Variants in ZEB1 observed in about 807,000 individuals in gnomAD.
The protein encoded by ZEB1 is zinc finger E-box-binding homeobox 1.
Under a neutral mutation model 84.9 loss-of-function variants are expected in ZEB1, and 21 were observed. That is an observed-to-expected ratio of 0.25 (90% CI 0.18 to 0.36). The LOEUF is 0.36. Among genes scored for constraint, ZEB1 ranks in the 10% least tolerant of loss-of-function variants. The pLI, the probability that ZEB1 is intolerant of heterozygous loss-of-function variation, is 1.00. For missense variants in ZEB1, 1,104 were observed against 1,330.2 expected, an observed-to-expected ratio of 0.83 and a Z score of 2.65; for synonymous variants, 420 against 471.1, an observed-to-expected ratio of 0.89 and a Z score of 1.41.
intron 1 of ZEB1, among the ~76,000 whole-genome samples, chr10:31,425,009 T>TG (rs1423691126): frequency 6.6e-6 from 1 of 151,838 alleles, no homozygotes; most frequent in African/African-American, 2.4e-5. Context: ...TTTTTTTAAA[T>TG]GGGAAAAAAA....
At chr10:31,361,809 G>T (rs2043158498) in intron 1 of ZEB1, among the ~76,000 whole-genome samples, 1 of 151,486 alleles carries the variant, frequency 6.6e-6, no homozygotes, top group Non-Finnish European at 1.5e-5. Flanking sequence ...ACGGCAGCAG[G>T]GCAGAGGCGC....
At chr10:31,481,381 G>A (rs1307483474) in intron 2 of ZEB1, among the ~76,000 whole-genome samples, 1 of 152,022 alleles carries the variant, frequency 6.6e-6, no homozygotes, top group African/African-American at 2.4e-5. Flanking sequence ...ATAATACCCA[G>A]ATCTAGGATT....
chr10:31,471,582 A>G lies in ZEB1; in HGVS notation c.259+10345A>G, dbSNP rs865780291. 3.6e-4 allele frequency among the ~76,000 whole-genome samples: 52 copies of G among 142,526 alleles called. 1 individual carries two copies. In the South Asian group the frequency reaches 0.012, roughly 33 times the overall value. 93.5% of individuals were successfully genotyped at this position (142,526 alleles called of 152,430 possible). On this transcript the variant is annotated intron_variant, in intron 2 of 8. Transcript: ENST00000424869. ...AAAGCAAGTCCTGAGTGACCTACAA[A>G]GAGACTTAGACTCCCACACATTAAT...
rs768562895 is a variant in ZEB1, at chr10:31,319,306, G to A, written c.58+14G>A. 1 of 1,605,062 alleles carries A rather than the reference G, an allele frequency of 6.2e-7. No homozygotes were observed. Among genetic ancestry groups the A allele is most frequent in the South Asian group, 1.1e-5 (1 of 89,272 alleles). On this transcript the variant is annotated intron_variant, in intron 1 of 8. Transcript: ENST00000424869. The stretch of plus-strand genomic sequence containing the variant: ...GGCGCAATAACGGTGAGTGGCGGAG[G>A]GGACCGGGGAGCGGCGGAGTCAGGG...
At chr10:31,358,702 A>G (rs1256010001) in intron 1 of ZEB1, 2 of 152,196 alleles carry the variant, frequency 1.3e-5, no homozygotes, top group Non-Finnish European at 2.9e-5. Flanking sequence ...CTTATTTTTA[A>G]AGTTTAAAAA....
chr10:31,344,088 CAT>C (rs1481148664), intron 1 of ZEB1, among the ~76,000 whole-genome samples: 1 of 152,032 alleles, frequency 6.6e-6, no homozygotes, highest in Non-Finnish European at 1.5e-5. Context: ...CTGGTGATAT[CAT>C]ACATAAATGC....
intron 5 of ZEB1, among the ~76,000 whole-genome samples, chr10:31,511,737 C>T (rs2070070508): frequency 6.6e-6 from 1 of 151,982 alleles, no homozygotes; most frequent in African/African-American, 2.4e-5. Flanking sequence ...TGAACTCTGC[C>T]CTATGGATGT....
At chr10:31,349,236 G>C (rs2040872376) in intron 1 of ZEB1, among the ~76,000 whole-genome samples, 1 of 152,034 alleles carries the variant, frequency 6.6e-6, no homozygotes, top group African/African-American at 2.4e-5. Context: ...CCGTGTCGTT[G>C]CAACTGACAG....
chr10:31,460,972 T>A (rs1018243640), intron 1 of ZEB1, 65 bp from the exon 2 acceptor site: 2 of 1,280,302 alleles, frequency 1.6e-6, no homozygotes, highest in Non-Finnish European at 2.2e-6. Flanking sequence ...TTTATTTTTC[T>A]GAGATGTAAA....
intron 2 of ZEB1, among the ~76,000 whole-genome samples, chr10:31,476,244 T>TCAAG (rs1423091420): frequency 2.6e-5 from 4 of 151,584 alleles, no homozygotes; most frequent in African/African-American, 9.7e-5. Flanking sequence ...GAGAGAAAAT[T>TCAAG]CAAGTAAGCA....
At chr10:31,449,579 A>AT in intron 1 of ZEB1, among the ~76,000 whole-genome samples, 2 of 151,822 alleles carry the variant, frequency 1.3e-5, no homozygotes, top group East Asian at 3.9e-4. Flanking sequence ...TAAATAATGC[A>AT]TTTTCCCCCC....
intron 2 of ZEB1, among the ~76,000 whole-genome samples, chr10:31,488,795 T>A (rs1474250528): frequency 6.6e-6 from 1 of 151,246 alleles, no homozygotes; most frequent in Non-Finnish European, 1.5e-5. Context: ...GATTTTCTTA[T>A]CTTTTTCCTA....
chr10:31,455,350 G>A (rs536779976), intron 1 of ZEB1, among the ~76,000 whole-genome samples: 1 of 152,226 alleles, frequency 6.6e-6, no homozygotes, highest in East Asian at 1.9e-4. Flanking sequence ...TCATAGGCAT[G>A]GGCAAAGACT....
At chr10:31,491,215 C>T (rs1040490537) in intron 2 of ZEB1, among the ~76,000 whole-genome samples, 12 of 151,698 alleles carry the variant, frequency 7.9e-5, no homozygotes, top group Non-Finnish European at 4.4e-5. Context: ...CCTACTTTGC[C>T]ACATGCTTCC....
chr10:31,380,324 G>C (rs2047400820), intron 1 of ZEB1, among the ~76,000 whole-genome samples: 1 of 152,160 alleles, frequency 6.6e-6, no homozygotes, highest in African/African-American at 2.4e-5. Context: ...AAGTTGGCTT[G>C]AAAGACTTAA....
At chr10:31,345,307 G>A (rs1316424783) in intron 1 of ZEB1, among the ~76,000 whole-genome samples, 4 of 152,004 alleles carry the variant, frequency 2.6e-5, no homozygotes, top group Non-Finnish European at 4.4e-5. Flanking sequence ...CAGGGGCGGG[G>A]GTTGTATTAT....
At chr10:31,462,620 C>G (rs1037219755) in intron 2 of ZEB1, among the ~76,000 whole-genome samples, 7 of 151,978 alleles carry the variant, frequency 4.6e-5, no homozygotes, top group African/African-American at 1.2e-4. Context: ...TACATGAAGC[C>G]ACAGAGGCTT....
intron 1 of ZEB1, among the ~76,000 whole-genome samples, chr10:31,439,508 T>C (rs374264091): frequency 2.6e-5 from 4 of 152,284 alleles, no homozygotes; most frequent in Admixed American, 1.3e-4. Flanking sequence ...GATTAGTATC[T>C]ACAGCCAGTG....
At chr10:31,376,523 G>A (rs866133970) in intron 1 of ZEB1, among the ~76,000 whole-genome samples, 17 of 151,628 alleles carry the variant, frequency 1.1e-4, no homozygotes, top group Admixed American at 6.6e-4. Flanking sequence ...CATTATAAAC[G>A]TCATTTAAGA....
Sources: gnomAD v4.1 joint callset for allele counts (sites outside exome capture counted in the v4.1 genomes callset) on GRCh38, gnomAD v4.1.1 for gene constraint, MANE v1.5 for transcripts, NCBI Gene and HGNC (gene_info 2026-07-23, HGNC 2026-07-21) for gene names.